CACNA2D3: variants seen among roughly 807,000 people sequenced by gnomAD.
CACNA2D3 encodes the protein voltage-dependent calcium channel subunit alpha-2/delta-3.
CACNA2D3 carries 60 observed loss-of-function variants against 160.6 expected under a neutral mutation model. The observed-to-expected ratio is 0.37, with a 90% CI of 0.30 to 0.46. The LOEUF (loss-of-function observed/expected upper bound fraction) is 0.46. Ranked by LOEUF, CACNA2D3 falls within the 20% of genes least tolerant of loss-of-function variation. The pLI, the probability that CACNA2D3 is intolerant of heterozygous loss-of-function variation, is 1.00. For synonymous variants in CACNA2D3, 558 were observed against 492.9 expected (o/e 1.13, Z -1.75); for missense variants, 1,205 against 1,365.0 (o/e 0.88, Z 1.85).
chr3:54,624,394 G>T (rs767305215), intron 9 of CACNA2D3, among the ~76,000 whole-genome samples: 112 of 152,280 alleles, frequency 7.4e-4, no homozygotes, highest in Non-Finnish European at 1.4e-3. Context: ...AGGCTGAGGC[G>T]GGTGGATCAT....
At chr3:54,790,707 G>A (rs1017350728) in intron 13 of CACNA2D3, among the ~76,000 whole-genome samples, 5 of 152,202 alleles carry the variant, frequency 3.3e-5, no homozygotes, top group Non-Finnish European at 4.4e-5. Context: ...CACCTTCCAA[G>A]TTCATTGTCA....
At chr3:54,315,321 A>G (rs1313296040) in intron 2 of CACNA2D3, among the ~76,000 whole-genome samples, 2 of 152,172 alleles carry the variant, frequency 1.3e-5, no homozygotes, top group East Asian at 1.9e-4. Context: ...TGGAGGAACA[A>G]TCAACTCTCG....
At chr3:54,459,772 T>C (rs2106838069) in intron 4 of CACNA2D3, among the ~76,000 whole-genome samples, 1 of 152,366 alleles carries the variant, frequency 6.6e-6, no homozygotes, top group East Asian at 1.9e-4. Context: ...AGCTGTTTAG[T>C]TTAATTGTAT....
At chr3:54,837,711 C>CG (rs1698725996) in intron 15 of CACNA2D3, among the ~76,000 whole-genome samples, 1 of 152,130 alleles carries the variant, frequency 6.6e-6, no homozygotes. Context: ...TTCAGCTTCT[C>CG]GGGGCCCCCA....
intron 4 of CACNA2D3, among the ~76,000 whole-genome samples, chr3:54,477,112 A>G (rs556236215): frequency 7.6e-4 from 116 of 152,184 alleles, no homozygotes; most frequent in Non-Finnish European, 1.4e-3. Context: ...ACCAGTAAAT[A>G]CTATCAAGAT....
At chr3:55,044,477 T>G (rs1422999157) in intron 35 of CACNA2D3, among the ~76,000 whole-genome samples, 1 of 152,226 alleles carries the variant, frequency 6.6e-6, no homozygotes, top group Non-Finnish European at 1.5e-5. Context: ...AACTTATTAG[T>G]CAACACTTGC....
intron 4 of CACNA2D3, among the ~76,000 whole-genome samples, chr3:54,459,504 G>C (rs1700459891): frequency 6.6e-6 from 1 of 151,672 alleles, no homozygotes; most frequent in African/African-American, 2.4e-5. Context: ...GTTTTGATTT[G>C]CATTTCTCTG....
At chr3:54,206,752 T>C (rs1257120377) in intron 2 of CACNA2D3, among the ~76,000 whole-genome samples, 1 of 152,224 alleles carries the variant, frequency 6.6e-6, no homozygotes, top group Non-Finnish European at 1.5e-5. Context: ...CTGTTTCCTT[T>C]ATTTAGGGAT....
At chr3:54,139,178 C>T (rs536861354) in intron 2 of CACNA2D3, among the ~76,000 whole-genome samples, 2 of 152,346 alleles carry the variant, frequency 1.3e-5, no homozygotes, top group South Asian at 4.1e-4. Context: ...TTTCCTGGTG[C>T]GTTCCACCAT....
chr3:54,724,909 T>G (rs1239945527), intron 11 of CACNA2D3, among the ~76,000 whole-genome samples: 3 of 151,926 alleles, frequency 2.0e-5, no homozygotes. Context: ...CAGGATAGAA[T>G]TAAGATCAGA....
intron 5 of CACNA2D3, among the ~76,000 whole-genome samples, chr3:54,518,926 C>G (rs1417632371): frequency 1.2e-5 from 1 of 80,108 alleles, no homozygotes; most frequent in Non-Finnish European, 2.5e-5. Flanking sequence ...GAGGAATTAA[C>G]AAGTATATGT....
chr3:54,897,524 T>G (rs1243514439), intron 26 of CACNA2D3, among the ~76,000 whole-genome samples: 1 of 152,166 alleles, frequency 6.6e-6, no homozygotes, highest in Middle Eastern at 3.2e-3. Context: ...TCTTGCCTCA[T>G]GCATCTGGTA....
At chr3:54,282,135 A>G (rs1702895695) in intron 2 of CACNA2D3, among the ~76,000 whole-genome samples, 1 of 152,230 alleles carries the variant, frequency 6.6e-6, no homozygotes, top group Non-Finnish European at 1.5e-5. Context: ...ACAGAATTCC[A>G]GTTTGTTAAA....
At chr3:54,400,856 C>G (rs1230608432) in intron 4 of CACNA2D3, among the ~76,000 whole-genome samples, 2 of 152,094 alleles carry the variant, frequency 1.3e-5, no homozygotes, top group East Asian at 1.9e-4. Flanking sequence ...GGAAACAGGA[C>G]ATTGCCAAAG....
At chr3:54,411,293 G>C (rs1699664125) in intron 4 of CACNA2D3, among the ~76,000 whole-genome samples, 1 of 152,234 alleles carries the variant, frequency 6.6e-6, no homozygotes, top group Non-Finnish European at 1.5e-5. Flanking sequence ...AGTTTTCGAA[G>C]TTCTGCTGTG....
At chr3:54,626,602 C>A in intron 9 of CACNA2D3, 1 of 1,482,144 alleles carries the variant, frequency 6.7e-7, no homozygotes, top group Non-Finnish European at 9.3e-7. Flanking sequence ...GCACGGCGGG[C>A]CCGGCATCGG....
At chr3:54,859,844 T>TTTCTTTCC (rs1392833370) in intron 17 of CACNA2D3, among the ~76,000 whole-genome samples, 3 of 152,084 alleles carry the variant, frequency 2.0e-5, no homozygotes, top group African/African-American at 2.4e-5. Flanking sequence ...GCCATGACAG[T>TTTCTTTCC]TTCTTTCCTT....
chr3:54,561,989 G>A lies in CACNA2D3; in HGVS notation c.545-811G>A, dbSNP rs143789111. Among the ~76,000 whole-genome samples the A allele has an allele frequency of 1.2e-4, 18 of 152,258 alleles. No individual in the cohort carries two copies. In the East Asian group the frequency reaches 1.5e-3, roughly 13 times the overall value. ...CCCTTTATAAAAAGTCTCAGGTCTC[G>A]TGAGACTTATTCGCTATCATAAGAA... is the stretch of plus-strand genomic sequence containing the variant. On this transcript the variant is annotated intron_variant, in intron 5 of 37. Coordinates refer to ENST00000474759, the MANE Select transcript of CACNA2D3 (RefSeq NM_018398.3).
chr3:54,164,356 G>T (rs1330496517), intron 2 of CACNA2D3, among the ~76,000 whole-genome samples: 1 of 152,168 alleles, frequency 6.6e-6, no homozygotes, highest in East Asian at 1.9e-4. Context: ...CTCTGCTGCC[G>T]CAGGATGGGA....
Sources: gnomAD v4.1 joint callset for allele counts (sites outside exome capture counted in the v4.1 genomes callset) on GRCh38, gnomAD v4.1.1 for gene constraint, MANE v1.5 for transcripts, NCBI Gene and HGNC (gene_info 2026-07-23, HGNC 2026-07-21) for gene names.